CSMD1: variants seen among roughly 807,000 people sequenced by gnomAD.
The protein encoded by CSMD1 is CUB and Sushi multiple domains 1.
A neutral mutation model predicts 417.5 loss-of-function variants in CSMD1; 213 were observed. The observed-to-expected ratio is 0.51, with a 90% CI of 0.46 to 0.57. CSMD1 has a LOEUF of 0.57. CSMD1 is among the 20% of genes least tolerant of loss of function. CSMD1 has a pLI of 0.00. For synonymous variants in CSMD1, 2,862 were observed against 1,736.8 expected (o/e 1.65, Z -16.11); for missense variants, 6,923 against 4,529.7 (o/e 1.53, Z -15.17).
intron 1 of CSMD1, among the ~76,000 whole-genome samples, chr8:4,650,789 C>G (rs2130894413): frequency 6.6e-6 from 1 of 152,196 alleles, no homozygotes; most frequent in East Asian, 1.9e-4. Flanking sequence ...CATCTAGATT[C>G]TATTCTTCTT....
intron 2 of CSMD1, among the ~76,000 whole-genome samples, chr8:4,591,378 T>G (rs925510226): frequency 6.6e-6 from 1 of 152,218 alleles, no homozygotes; most frequent in Non-Finnish European, 1.5e-5. Flanking sequence ...CTTGGATATA[T>G]GAATACAACT....
At chr8:4,251,698 G>T (rs1014656728) in intron 3 of CSMD1, among the ~76,000 whole-genome samples, 1 of 152,114 alleles carries the variant, frequency 6.6e-6, no homozygotes. Context: ...ACCTTGGACA[G>T]TTAAATGTAT....
chr8:4,163,254 G>C (rs1448441849), intron 3 of CSMD1, among the ~76,000 whole-genome samples: 1 of 152,122 alleles, frequency 6.6e-6, no homozygotes, highest in East Asian at 1.9e-4. Flanking sequence ...ATAACAAGGA[G>C]TGTGCTTCCT....
chr8:3,848,058 C>T (rs1484166262), intron 5 of CSMD1, among the ~76,000 whole-genome samples: 1 of 146,376 alleles, frequency 6.8e-6, no homozygotes, highest in Non-Finnish European at 1.5e-5. Context: ...TTCTTACCAT[C>T]CTGGTGATAT....
At chr8:3,927,779 T>C (rs1490013066) in intron 5 of CSMD1, among the ~76,000 whole-genome samples, 1 of 152,050 alleles carries the variant, frequency 6.6e-6, no homozygotes, top group African/African-American at 2.4e-5. Flanking sequence ...CTAAGAAAAA[T>C]ACCAAATCTA....
intron 4 of CSMD1, among the ~76,000 whole-genome samples, chr8:3,999,203 A>G (rs376067299): frequency 6.6e-6 from 1 of 151,574 alleles, no homozygotes; most frequent in South Asian, 2.1e-4. Context: ...TCCATAATAT[A>G]TATTTAACAG....
At chr8:4,547,781 T>C (rs961032840) in intron 2 of CSMD1, among the ~76,000 whole-genome samples, 15 of 152,220 alleles carry the variant, frequency 9.9e-5, no homozygotes, top group Non-Finnish European at 1.9e-4. Flanking sequence ...CCTGGAAATT[T>C]AATGTTCAAG....
At chr8:3,505,028 A>T (rs1031641432) in intron 10 of CSMD1, among the ~76,000 whole-genome samples, 1 of 139,874 alleles carries the variant, frequency 7.1e-6, no homozygotes, top group Non-Finnish European at 1.6e-5. Context: ...AAAAAAAAAA[A>T]GTTTTGCTGC....
At chr8:4,159,117 T>C (rs1307288822) in intron 3 of CSMD1, among the ~76,000 whole-genome samples, 2 of 152,052 alleles carry the variant, frequency 1.3e-5, no homozygotes, top group African/African-American at 2.4e-5. Flanking sequence ...GGCTTCTCCA[T>C]AGTTGGCAGG....
intron 2 of CSMD1, among the ~76,000 whole-genome samples, chr8:4,509,990 T>C (rs1461227193): frequency 1.3e-5 from 2 of 152,130 alleles, no homozygotes; most frequent in African/African-American, 2.4e-5. Context: ...CATGGTGAAA[T>C]GTAACTCCCA....
intron 3 of CSMD1, among the ~76,000 whole-genome samples, chr8:4,168,340 G>A (rs939196111): frequency 6.6e-6 from 1 of 151,940 alleles, no homozygotes; most frequent in Non-Finnish European, 1.5e-5. Context: ...AGGCTACAGT[G>A]ATCCTTGATT....
At chr8:3,291,362 CA>C (rs34818143) in intron 25 of CSMD1, among the ~76,000 whole-genome samples, 136,555 of 151,894 alleles carry the variant, frequency 0.9, 61,748 homozygotes, top group Middle Eastern at 0.95. Flanking sequence ...GGAGGATTCC[CA>C]TCTTTTTCTT....
chr8:3,729,103 G>A (rs748112589), intron 6 of CSMD1, among the ~76,000 whole-genome samples: 2 of 152,166 alleles, frequency 1.3e-5, no homozygotes, highest in African/African-American at 4.8e-5. Flanking sequence ...GGAAGTAAAG[G>A]TTTCGAGCTA....
chr8:3,521,750 C>T (rs1378767771), intron 10 of CSMD1, among the ~76,000 whole-genome samples: 3 of 152,166 alleles, frequency 2.0e-5, no homozygotes, highest in Non-Finnish European at 4.4e-5. Context: ...TAAGTAAATT[C>T]TCATTTATTG....
chr8:4,257,352 A>G (rs921995097), intron 3 of CSMD1, among the ~76,000 whole-genome samples: 1 of 152,174 alleles, frequency 6.6e-6, no homozygotes, highest in Non-Finnish European at 1.5e-5. Context: ...CAAGGGTTGA[A>G]TAATTTTCTC....
At chr8:3,307,093 T>C (rs1503278) in intron 25 of CSMD1, among the ~76,000 whole-genome samples, 73,722 of 152,058 alleles carry the variant, frequency 0.48, 18,570 homozygotes, top group African/African-American at 0.59. Context: ...AAATATGACT[T>C]TGCTTCTCTT....
chr8:3,267,209 G>A (rs1221701446), intron 26 of CSMD1, among the ~76,000 whole-genome samples: 1 of 152,114 alleles, frequency 6.6e-6, no homozygotes, highest in Admixed American at 6.6e-5. Flanking sequence ...CCAGGTAACA[G>A]GAGTGAGAAA....
chr8:4,788,187 A>T, intron 1 of CSMD1: 3 of 1,595,178 alleles, frequency 1.9e-6, no homozygotes, highest in Non-Finnish European at 1.7e-6. Context: ...AAATTTTGGC[A>T]TTCCATGTGA....
chr8:3,548,586 G>T (rs1563142823), intron 10 of CSMD1, among the ~76,000 whole-genome samples: 2 of 150,410 alleles, frequency 1.3e-5, no homozygotes, highest in East Asian at 4.0e-4. Flanking sequence ...TAGAATAATA[G>T]TCCCCAATCT....
Sources: allele counts gnomAD v4.1 joint callset (sites outside exome capture counted in the v4.1 genomes callset), GRCh38; gene constraint gnomAD v4.1.1; transcripts MANE v1.5; gene names NCBI Gene and HGNC (gene_info 2026-07-23, HGNC 2026-07-21).